Variants in PLCH1 observed in about 807,000 individuals in gnomAD.
PLCH1 encodes 1-phosphatidylinositol 4,5-bisphosphate phosphodiesterase eta-1.
A neutral mutation model predicts 126.7 loss-of-function variants in PLCH1; 60 were observed. The observed-to-expected ratio is 0.47, with a 90% CI of 0.38 to 0.59. PLCH1 has a LOEUF of 0.59. Ranked by LOEUF, PLCH1 falls within the 20% of genes least tolerant of loss-of-function variation. PLCH1 has a pLI of 0.00. For synonymous variants in PLCH1, 719 were observed against 734.9 expected (o/e 0.98, Z 0.35); for missense variants, 1,723 against 2,040.0 (o/e 0.84, Z 2.99).
intron 2 of PLCH1, among the ~76,000 whole-genome samples, chr3:155,615,452 A>T (rs1433314912): frequency 6.6e-6 from 1 of 152,208 alleles, no homozygotes; most frequent in Non-Finnish European, 1.5e-5. Context: ...CCAGAGAAAT[A>T]GAAGTCATTA....
intron 2 of PLCH1, among the ~76,000 whole-genome samples, chr3:155,691,123 G>C (rs1419303434): frequency 6.6e-6 from 1 of 152,126 alleles, no homozygotes; most frequent in Non-Finnish European, 1.5e-5. Context: ...GTAATGCATT[G>C]CTGTGTCACA....
At position 155,565,080 on chromosome 3, in the gene PLCH1, A is replaced by G; in HGVS notation, c.904T>C (p.Phe302Leu). 1.9e-6 allele frequency: 3 copies of G among 1,613,960 alleles called. No individual in the cohort carries two copies. Among genetic ancestry groups the G allele is most frequent in the Non-Finnish European group, 2.5e-6 (3 of 1,179,840 alleles). Residue 302 changes from phenylalanine (F) to leucine (L), a missense_variant, in exon 8 of 23, where the codon TTT (phenylalanine) becomes CTT (leucine). Coordinates refer to ENST00000460012, the MANE Select transcript of PLCH1 (RefSeq NM_014996.4). ...NFMRSPACDIFNPLHHEVYQD... is the reference protein window; with the variant it reads ...NFMRSPACDILNPLHHEVYQD... ...TACACTTCATGGTGCAATGGGTTAA[A>G]TATGTCACAGGCAGGACTACGCATG...
chr3:155,659,967 T>C (rs941300846), intron 2 of PLCH1, among the ~76,000 whole-genome samples: 3 of 152,304 alleles, frequency 2.0e-5, no homozygotes, highest in East Asian at 3.9e-4. Flanking sequence ...CTAACATCAG[T>C]CGATCATTAG....
chr3:155,594,721 T>A lies in PLCH1; in HGVS notation c.227-537A>T, dbSNP rs1274143111. ...TGCCTGAGCTGTCTTGACAACATTCTCCTAAGGCAATAATTCAGGACGTGT... is the reference window on the plus strand; with the variant it reads ...TGCCTGAGCTGTCTTGACAACATTCACCTAAGGCAATAATTCAGGACGTGT... On this transcript the variant is annotated intron_variant, in intron 3 of 22. Transcript: ENST00000460012. 2.0e-5 allele frequency among the ~76,000 whole-genome samples: 3 copies of A among 152,196 alleles called. No homozygotes were observed. In the East Asian group the frequency reaches 5.8e-4, roughly 29 times the overall value.
At chr3:155,664,566 C>T (rs995838108) in intron 2 of PLCH1, among the ~76,000 whole-genome samples, 21 of 152,256 alleles carry the variant, frequency 1.4e-4, no homozygotes, top group African/African-American at 4.8e-4. Flanking sequence ...TTAAATATGG[C>T]TATGTTTGGG....
At chr3:155,676,700 G>A (rs1249427105) in intron 2 of PLCH1, among the ~76,000 whole-genome samples, 2 of 152,264 alleles carry the variant, frequency 1.3e-5, no homozygotes, top group Admixed American at 1.3e-4. Flanking sequence ...AGCGTTGAGG[G>A]TTTTCCTTGT....
intron 1 of PLCH1, among the ~76,000 whole-genome samples, chr3:155,717,958 T>C (rs1349209700): frequency 6.6e-6 from 1 of 152,232 alleles, no homozygotes; most frequent in East Asian, 1.9e-4. Context: ...TGCTTGCTAT[T>C]TAAATGTAAA....
At chr3:155,731,849 G>A (rs1032330145) in intron 1 of PLCH1, among the ~76,000 whole-genome samples, 24 of 151,856 alleles carry the variant, frequency 1.6e-4, no homozygotes, top group Non-Finnish European at 5.9e-5. Context: ...CAAGCATGGC[G>A]GCACACACCT....
intron 11 of PLCH1, among the ~76,000 whole-genome samples, chr3:155,520,499 T>C (rs1443318474): frequency 6.6e-6 from 1 of 152,166 alleles, no homozygotes; most frequent in Non-Finnish European, 1.5e-5. Context: ...GAGCTAATGT[T>C]TATGCCCAAG....
At chr3:155,551,360 G>A (rs868802204) in intron 9 of PLCH1, among the ~76,000 whole-genome samples, 7 of 144,972 alleles carry the variant, frequency 4.8e-5, no homozygotes, top group South Asian at 4.4e-4. Context: ...CAAGAGAATC[G>A]CTTGAACCCA....
intron 11 of PLCH1, among the ~76,000 whole-genome samples, chr3:155,516,918 A>G (rs1329254998): frequency 6.6e-6 from 1 of 152,110 alleles, no homozygotes; most frequent in Non-Finnish European, 1.5e-5. Flanking sequence ...ATATGCACAC[A>G]GAGGAGGCGC....
At chr3:155,618,724 C>T (rs1560256125) in intron 2 of PLCH1, among the ~76,000 whole-genome samples, 1 of 152,178 alleles carries the variant, frequency 6.6e-6, no homozygotes, top group South Asian at 2.1e-4. Context: ...GGGCTCACTG[C>T]AGCCTTGACC....
Position 155,621,506 on chromosome 3 carries a change from A to T in PLCH1, c.80-25128T>A, listed in dbSNP as rs138654664. On this transcript the variant is annotated intron_variant, in intron 2 of 22. Transcript: ENST00000460012. The stretch of plus-strand genomic sequence containing the variant: ...TCTAAATCAATGCAAGGAAGCTAAG[A>T]ACCTTGAAAAAAGGTTAGACGAATT... Among the ~76,000 whole-genome samples, 454 of 152,338 alleles carry T rather than the reference A, an allele frequency of 3.0e-3. 3 individuals carry two copies. Among genetic ancestry groups the T allele is most frequent in the African/African-American group, 0.01 (424 of 41,568 alleles).
chr3:155,489,013 C>T (rs567290164), intron 19 of PLCH1, among the ~76,000 whole-genome samples: 43 of 152,268 alleles, frequency 2.8e-4, no homozygotes, highest in African/African-American at 9.9e-4. Context: ...AAGAAAATTG[C>T]CTGTAAATTA....
chr3:155,509,039 A>T (rs1719081546), intron 12 of PLCH1, among the ~76,000 whole-genome samples: 1 of 136,584 alleles, frequency 7.3e-6, no homozygotes, highest in Non-Finnish European at 1.5e-5. Context: ...AGAGCCTCTT[A>T]TTGGTCTATT....
chr3:155,481,038 T>C lies in PLCH1; in HGVS notation c.4988A>G (p.Asp1663Gly). The change falls in exon 23 of 23, where the codon GAT becomes GGT. Residue 1663 changes from aspartate to glycine, a missense_variant. Physicochemically the swap from Asp to Gly is moderately conservative, Grantham distance 94. Coordinates refer to ENST00000460012, the MANE Select transcript of PLCH1 (RefSeq NM_014996.4). This position sits in a 1 kb window ranked among gnomAD's most constrained non-coding sequence, Gnocchi z 4.2. The stretch of plus-strand genomic sequence containing the variant: ...TGGCTCAGTCTGCAAAACAGAATTA[T>C]CTGAACAAAACTGGTCAACGTGGCC... ...HYGHVDQFCSDNSVLQTEPSS... is the reference protein window; with the variant it reads ...HYGHVDQFCSGNSVLQTEPSS... 6.2e-7 allele frequency: 1 copy of C among 1,612,430 alleles called. No individual in the cohort carries two copies. Among genetic ancestry groups the C allele is most frequent in the Non-Finnish European group, 8.5e-7 (1 of 1,178,514 alleles).
intron 1 of PLCH1, among the ~76,000 whole-genome samples, chr3:155,717,521 A>G (rs1747615847): frequency 6.6e-6 from 1 of 152,134 alleles, no homozygotes; most frequent in African/African-American, 2.4e-5. Context: ...TCACTCTTGC[A>G]CTCTGCACAC....
chr3:155,476,270 C>T (rs554619821), downstream of PLCH1, among the ~76,000 whole-genome samples: 1 of 151,820 alleles, frequency 6.6e-6, no homozygotes, highest in South Asian at 2.1e-4. Context: ...TATGATAAAA[C>T]TGAGGCTAGA....
At chr3:155,574,539 G>A (rs1218171926) in intron 6 of PLCH1, among the ~76,000 whole-genome samples, 2 of 152,124 alleles carry the variant, frequency 1.3e-5, no homozygotes, top group African/African-American at 4.8e-5. Context: ...CTTTGTATCT[G>A]TGGTTTTACA....
Sources: allele counts gnomAD v4.1 joint callset (sites outside exome capture counted in the v4.1 genomes callset), GRCh38; gene constraint gnomAD v4.1.1; non-coding constraint Gnocchi (gnomAD v3.1); transcripts MANE v1.5; gene names NCBI Gene and HGNC (gene_info 2026-07-23, HGNC 2026-07-21).